Variants in SNX5 observed in about 807,000 individuals in gnomAD.
The protein encoded by SNX5 is sorting nexin-5.
SNX5 carries 31 observed loss-of-function variants against 53.9 expected under a neutral mutation model. The observed-to-expected ratio is 0.58, with a 90% CI of 0.43 to 0.78. The LOEUF is 0.78. Among genes scored for constraint, SNX5 ranks in the 30% least tolerant of loss-of-function variants. The pLI is 0.00. For synonymous variants in SNX5, 168 were observed against 171.1 expected (o/e 0.98, Z 0.14); for missense variants, 471 against 478.8 (o/e 0.98, Z 0.15).
rs1318332187 is a variant in SNX5, at chr20:17,941,949, T to C, written c.*408A>G. ...CCCACCTTCAGTGAGGAATGGAAGG[T>C]CTGTTACCGACCTCAAGTAGCTGAA... On this transcript the variant is annotated 3_prime_UTR_variant, in exon 13 of 13. Coordinates refer to ENST00000377759, the MANE Select transcript of SNX5 (RefSeq NM_014426.4). 2 of 166,616 alleles carry C rather than the reference T, an allele frequency of 1.2e-5. No homozygotes were observed. The highest frequency in any genetic ancestry group is 2.4e-5 in the African/African-American group (1 of 41,622). The allele number at this position is 166,616 out of a possible 1,614,324, so 10.3% of individuals were successfully genotyped here.
chr20:17,962,143 A>G (rs2122416092), intron 1 of SNX5: 1 of 228,894 alleles, frequency 4.4e-6, no homozygotes. Flanking sequence ...AGATTATGGC[A>G]CTGGTGTGTG....
chr20:17,964,457 C>CCT (rs1380858739), intron 1 of SNX5, among the ~76,000 whole-genome samples: 1 of 152,194 alleles, frequency 6.6e-6, no homozygotes, highest in African/African-American at 2.4e-5. Context: ...GCAACTTACT[C>CCT]CTCCTGGGGT....
intron 3 of SNX5, 135 bp from the exon 4 acceptor site, chr20:17,954,252 G>C: frequency 1.4e-6 from 2 of 1,415,024 alleles, no homozygotes; most frequent in Non-Finnish European, 1.9e-6. Context: ...GTCAACTCCT[G>C]TTTTTTCTTA....
intron 1 of SNX5, among the ~76,000 whole-genome samples, chr20:17,966,789 A>C (rs1181001276): frequency 1.3e-5 from 2 of 152,230 alleles, no homozygotes; most frequent in Non-Finnish European, 2.9e-5. Flanking sequence ...TATGGCAAAA[A>C]GTTGCCCAAG....
intron 1 of SNX5, chr20:17,961,482 T>C (rs2035447282): frequency 1.0e-6 from 1 of 985,268 alleles, no homozygotes; most frequent in African/African-American, 1.7e-5. Flanking sequence ...CTCTGATCTG[T>C]TAGATTGGGG....
chr20:17,961,871 T>A, intron 1 of SNX5: 1 of 985,440 alleles, frequency 1.0e-6, no homozygotes. Context: ...GATTTTCAGC[T>A]GGAAAGATAT....
chr20:17,954,021 CA>C lies in SNX5; in HGVS notation c.363del (p.Phe121LeufsTer4). The C allele has an allele frequency of 6.2e-7, 1 of 1,613,948 alleles. No homozygotes were observed. The highest frequency in any genetic ancestry group is 8.5e-7 in the Non-Finnish European group (1 of 1,179,882). On this transcript the variant is annotated frameshift_variant, in exon 4 of 13. Transcript: ENST00000377759. LOFTEE classifies it high-confidence loss of function. ...GCTTCCAGTTCTTGTTTCATCTTGGCAAATTCTTCTTTGGTCATAGACCCTT... is the reference window on the plus strand; with the variant it reads ...GCTTCCAGTTCTTGTTTCATCTTGGCAATTCTTCTTTGGTCATAGACCCTT... ...EGEGSMTKEE[F>X]AKMKQELEAE...
In SNX5 at chr20:17,968,609, G is replaced by C. The variant is rs768213203; in HGVS notation, c.-184C>G. On this transcript the variant is annotated 5_prime_UTR_variant, in exon 1 of 13. Transcript: ENST00000377759. ...CATCCCAGCTGCCCCGGGAGCAGGC[G>C]AGCAGGGCGCCACGTGCTCCCCCAG... 1 of 635,554 alleles carries C rather than the reference G, an allele frequency of 1.6e-6. No homozygotes were observed. The highest frequency in any genetic ancestry group is 1.6e-5 in the South Asian group (1 of 61,374). The allele number at this position is 635,554 out of a possible 1,614,324, so 39.4% of individuals were successfully genotyped here.
intron 1 of SNX5, chr20:17,962,927 A>C: frequency 1.9e-6 from 1 of 517,452 alleles, no homozygotes; most frequent in South Asian, 1.4e-5. Flanking sequence ...GCGAATGGAT[A>C]AACTGAATCA....
At chr20:17,957,102 G>A (rs912502521) in intron 1 of SNX5, 65 bp from the exon 2 acceptor site, 21 of 958,222 alleles carry the variant, frequency 2.2e-5, no homozygotes, top group Non-Finnish European at 2.7e-5. Flanking sequence ...TTCCAAAAAT[G>A]AGTAGTTACT....
At chr20:17,956,858 ATCTCT>A (rs1600346436) in intron 2 of SNX5, 70 bp downstream of exon 2, 1 of 805,454 alleles carries the variant, frequency 1.2e-6, no homozygotes, top group African/African-American at 1.7e-5. Context: ...AGCTCAGGGA[ATCTCT>A]TCTCACATCC....
At chr20:17,946,879 G>C (rs924437861) in intron 11 of SNX5, among the ~76,000 whole-genome samples, 76 of 152,216 alleles carry the variant, frequency 5.0e-4, no homozygotes, top group African/African-American at 1.5e-3. Flanking sequence ...ATGAAGGAGA[G>C]ACACACTGTC....
intron 11 of SNX5, chr20:17,944,374 A>G (rs1047936724): frequency 2.0e-5 from 3 of 152,252 alleles, no homozygotes; most frequent in Admixed American, 2.0e-4. Flanking sequence ...ATAATTTCAC[A>G]TTATGTACCT....
chr20:17,963,607 A>G (rs1489195950), intron 1 of SNX5, among the ~76,000 whole-genome samples: 1 of 152,058 alleles, frequency 6.6e-6, no homozygotes, highest in East Asian at 1.9e-4. Flanking sequence ...CCTTTTTTGT[A>G]GCAGGGTCTC....
chr20:17,963,803 A>G (rs182281886), intron 1 of SNX5, among the ~76,000 whole-genome samples: 8 of 152,380 alleles, frequency 5.3e-5, no homozygotes, highest in African/African-American at 1.9e-4. Flanking sequence ...ATTCAGCAAC[A>G]GTGGTAGAGC....
Position 17,942,417 on chromosome 20 carries a change from A to G in SNX5, c.1165-10T>C. On this transcript the variant is annotated splice_polypyrimidine_tract_variant and intron_variant, in intron 12 of 12. Coordinates refer to ENST00000377759, the MANE Select transcript of SNX5 (RefSeq NM_014426.4). ...AAAGGGAGACATTGTTCTGTGGGGA[A>G]AAAAGGCAAGGCAGACCAGTGAATT... 1.2e-6 allele frequency: 2 copies of G among 1,608,548 alleles called. No homozygotes were observed. Among genetic ancestry groups the G allele is most frequent in the South Asian group, 1.1e-5 (1 of 90,976 alleles).
intron 10 of SNX5, among the ~76,000 whole-genome samples, chr20:17,948,475 T>TAA (rs1040388166): frequency 2.0e-5 from 3 of 152,256 alleles, no homozygotes; most frequent in Non-Finnish European, 4.4e-5. Context: ...ACATTTCACA[T>TAA]AAAATTAAAA....
intron 6 of SNX5, among the ~76,000 whole-genome samples, chr20:17,950,809 C>T (rs534474508): frequency 1.0e-3 from 156 of 152,190 alleles, no homozygotes; most frequent in African/African-American, 3.6e-3. Context: ...ATGCCAATGC[C>T]AAATATCCCA....
rs766481531 is a variant in SNX5 at position 17,950,219 on chromosome 20, A to G, written c.716-12T>C. ...GTCATCGGCAACATCTGCAGAAACA[A>G]GGACAAGTCTTTTTATCCAAACACA... On this transcript the variant is annotated splice_polypyrimidine_tract_variant and intron_variant, in intron 7 of 12. Transcript: ENST00000377759. 3 of 1,614,174 alleles carry G rather than the reference A, an allele frequency of 1.9e-6. No individual in the cohort carries two copies. The highest frequency in any genetic ancestry group is 1.6e-4 in the Middle Eastern group (1 of 6,062).
Sources: allele counts gnomAD v4.1 joint callset (sites outside exome capture counted in the v4.1 genomes callset), GRCh38; gene constraint gnomAD v4.1.1; transcripts MANE v1.5; gene names NCBI Gene and HGNC (gene_info 2026-07-23, HGNC 2026-07-21).